The following MROH9 variants were observed in gnomAD, a reference collection of about 807,000 sequenced individuals.
The protein encoded by MROH9 is maestro heat-like repeat-containing protein family member 9.
A neutral mutation model predicts 98.2 loss-of-function variants in MROH9; 92 were observed. The ratio of observed to expected loss-of-function variants is 0.94; its 90% CI spans 0.79 to 1.11. The LOEUF (loss-of-function observed/expected upper bound fraction) is 1.11, where lower values mean the gene tolerates loss of function less well. MROH9 is among the 50% of genes most tolerant of loss of function. The probability of loss-of-function intolerance (pLI) is 0.00; values close to 1 mark genes in which losing one functional copy is unlikely to be tolerated. For missense variants in MROH9, 1,057 were observed against 1,014.8 expected (o/e 1.04, Z -0.57); for synonymous variants, 397 against 368.9 (o/e 1.08, Z -0.87).
At chr1:171,006,553 A>G (rs1052450638) in intron 15 of MROH9, among the ~76,000 whole-genome samples, 3 of 152,138 alleles carry the variant, frequency 2.0e-5, no homozygotes, top group Non-Finnish European at 4.4e-5. Context: ...GAGAACATTT[A>G]AAGAAATTCT....
intron 8 of MROH9, among the ~76,000 whole-genome samples, chr1:170,979,945 A>G (rs1228283415): frequency 1.3e-5 from 2 of 152,176 alleles, no homozygotes; most frequent in Non-Finnish European, 2.9e-5. Context: ...CACCAACAAT[A>G]GGCAAGCAAA....
intron 16 of MROH9, among the ~76,000 whole-genome samples, chr1:171,014,659 C>T (rs189864202): frequency 6.6e-6 from 1 of 152,184 alleles, no homozygotes; most frequent in Non-Finnish European, 1.5e-5. Flanking sequence ...TTTACCTATA[C>T]ATATTTACAT....
At chr1:171,056,903 C>T (rs1160307820) in intron 20 of MROH9, among the ~76,000 whole-genome samples, 1 of 152,162 alleles carries the variant, frequency 6.6e-6, no homozygotes, top group African/African-American at 2.4e-5. Context: ...GAAAAACAAA[C>T]AAAAAGCAAC....
rs56288448 is a variant in MROH9 at position 171,052,034 on chromosome 1, CTT to C, written c.2282-10088_2282-10087del. On this transcript the variant is annotated intron_variant, in intron 20 of 21. Transcript: ENST00000367759. ...ACTGTGGATCAGTCTGGTCTTGGAC[CTT>C]TTTTTTTTTATTAATTACTGATTCA... 5.5e-5 allele frequency among the ~76,000 whole-genome samples: 8 copies of C among 146,364 alleles called. 1 individual carries two copies. In the South Asian group the frequency reaches 6.4e-4, roughly 12 times the overall value.
Position 170,959,469 on chromosome 1 carries a change from G to T in MROH9, c.160G>T (p.Asp54Tyr). The change falls in exon 5 of 22, where the codon GAT (aspartate) becomes TAT (tyrosine). Residue 54 changes from aspartate (D) to tyrosine (Y), a missense_variant. Asp to Tyr is a radical substitution (Grantham distance 160, BLOSUM62 -3). Coordinates refer to ENST00000367759, the MANE Select transcript of MROH9 (RefSeq NM_001163629.2). ...GCTCCTTTTTCTTGTCAGCTTTGTG[G>T]ATCCCTTACTGCAGTTTGAATCTCA... ...MILAVNSSFV[D>Y]PLLQFESQLK... The T allele has an allele frequency of 1.3e-6, 2 of 1,598,668 alleles. No individual in the cohort carries two copies. The highest frequency in any genetic ancestry group is 1.2e-5 in the South Asian group (1 of 86,508).
chr1:170,995,159 T>C (rs1460721127), intron 12 of MROH9, among the ~76,000 whole-genome samples: 2 of 152,116 alleles, frequency 1.3e-5, no homozygotes, highest in African/African-American at 4.8e-5. Flanking sequence ...ATCCAGGGTG[T>C]TTGTATAGTG....
intron 20 of MROH9, among the ~76,000 whole-genome samples, chr1:171,056,955 A>C (rs1276137966): frequency 6.6e-6 from 1 of 152,234 alleles, no homozygotes; most frequent in Non-Finnish European, 1.5e-5. Flanking sequence ...CAAAAACTTC[A>C]TCCAAGAGTC....
intron 8 of MROH9, among the ~76,000 whole-genome samples, chr1:170,975,415 G>T (rs1222993198): frequency 6.6e-6 from 1 of 152,090 alleles, no homozygotes; most frequent in East Asian, 1.9e-4. Context: ...ATTAATTAAG[G>T]AGACATAACA....
At chr1:171,055,521 G>T (rs573968184) in intron 20 of MROH9, among the ~76,000 whole-genome samples, 6 of 151,718 alleles carry the variant, frequency 4.0e-5, no homozygotes, top group Non-Finnish European at 7.4e-5. Context: ...TACTTGGGAG[G>T]CTGAGGCAGT....
chr1:170,988,685 T>C (rs866108287), intron 10 of MROH9, among the ~76,000 whole-genome samples: 1 of 152,070 alleles, frequency 6.6e-6, no homozygotes, highest in Non-Finnish European at 1.5e-5. Context: ...CTAAAATGAG[T>C]TATAAGGCTA....
At chr1:170,942,595 A>C (rs748536648) in intron 1 of MROH9, among the ~76,000 whole-genome samples, 3 of 152,074 alleles carry the variant, frequency 2.0e-5, no homozygotes, top group Non-Finnish European at 4.4e-5. Context: ...CAAGGAAAGC[A>C]CTCCAGTTAT....
intron 10 of MROH9, among the ~76,000 whole-genome samples, chr1:170,988,302 A>G (rs142615669): frequency 3.3e-5 from 5 of 152,254 alleles, no homozygotes; most frequent in African/African-American, 1.2e-4. Context: ...ACTCAAATTC[A>G]TAGAGCAGGA....
chr1:171,037,526 AT>A (rs906422721), intron 20 of MROH9, among the ~76,000 whole-genome samples: 13 of 151,540 alleles, frequency 8.6e-5, no homozygotes, highest in Admixed American at 2.0e-4. Flanking sequence ...AAAAGTGTCA[AT>A]TTTTTTTTCT....
chr1:170,951,553 C>T (rs1649552495), intron 3 of MROH9, among the ~76,000 whole-genome samples: 1 of 152,076 alleles, frequency 6.6e-6, no homozygotes, highest in Non-Finnish European at 1.5e-5. Flanking sequence ...CATAAACTTG[C>T]TTGATGTAGA....
chr1:170,959,380 A>G (rs1649918642), intron 4 of MROH9, 82 bp from the exon 5 acceptor site: 3 of 1,280,188 alleles, frequency 2.3e-6, no homozygotes, highest in East Asian at 5.4e-5. Context: ...GTCTCAAAAT[A>G]AATAAATAAA....
chr1:171,003,223 T>C (rs371321683), intron 15 of MROH9, among the ~76,000 whole-genome samples: 265 of 152,332 alleles, frequency 1.7e-3, no homozygotes, highest in South Asian at 4.3e-3. Flanking sequence ...ATAACTAAAC[T>C]CCTGAATTCT....
rs752516305 is a variant in MROH9, at chr1:170,961,934, G to C, written c.333G>C (p.Thr111=). 1.9e-6 allele frequency: 3 copies of C among 1,539,758 alleles called. No homozygotes were observed. The highest frequency in any genetic ancestry group is 2.0e-5 in the Admixed American group (1 of 49,400). ...TAAATATATATGAGAACATTCTTAC[G>C]AGCTTGGTGTCTAAAGACCTCTACA... is the stretch of plus-strand genomic sequence containing the variant. ...NILNIYENIL[T]SLVSKDLYKL... is the part of the protein sequence containing the mutation. The change falls in exon 6 of 22, where the codon ACG becomes ACC. Residue 111 remains threonine, a synonymous_variant. Coordinates refer to ENST00000367759, the MANE Select transcript of MROH9 (RefSeq NM_001163629.2).
At chr1:171,023,126 A>T (rs895959493) in intron 17 of MROH9, among the ~76,000 whole-genome samples, 2 of 152,208 alleles carry the variant, frequency 1.3e-5, no homozygotes, top group African/African-American at 4.8e-5. Flanking sequence ...TCAGACCAGC[A>T]GGAGGGTTGT....
chr1:171,049,929 G>T (rs919243228), intron 20 of MROH9, among the ~76,000 whole-genome samples: 14 of 152,110 alleles, frequency 9.2e-5, no homozygotes. Context: ...CAATCTGCCT[G>T]CCTTGGCCTC....
Sources: allele counts gnomAD v4.1 joint callset (sites outside exome capture counted in the v4.1 genomes callset), GRCh38; gene constraint gnomAD v4.1.1; transcripts MANE v1.5; gene names NCBI Gene and HGNC (gene_info 2026-07-23, HGNC 2026-07-21).